Variants in CDCA5 observed in about 807,000 individuals in gnomAD.
CDCA5 encodes cell division cycle associated 5.
Under a neutral mutation model 25.7 loss-of-function variants are expected in CDCA5, and 14 were observed. The observed-to-expected ratio is 0.54, with a 90% confidence interval of 0.36 to 0.85. The LOEUF (loss-of-function observed/expected upper bound fraction) is 0.85. CDCA5 is among the 40% of genes least tolerant of loss of function. CDCA5 has a pLI of 0.01. For missense variants in CDCA5, 307 were observed against 324.5 expected (o/e 0.95, Z 0.41); for synonymous variants, 127 against 128.7 (o/e 0.99, Z 0.09).
At chr11:65,068,353 G>T in intron 2 of CDCA5, 1 of 504,816 alleles carries the variant, frequency 2.0e-6, no homozygotes, top group Non-Finnish European at 3.3e-6. Flanking sequence ...CAGGAGCTGG[G>T]CCTGGACGCC....
downstream of CDCA5, among the ~76,000 whole-genome samples, chr11:65,061,855 C>T: frequency 6.6e-6 from 1 of 151,090 alleles, no homozygotes; most frequent in Non-Finnish European, 1.5e-5. Flanking sequence ...GACCAGAAAC[C>T]CGCAAGTATA....
Position 65,067,831 on chromosome 11 carries a change from C to T in CDCA5, c.270-78G>A, listed in dbSNP as rs935507829. The T allele has an allele frequency of 2.3e-5, 22 of 977,420 alleles. No individual in the cohort carries two copies. In the Admixed American group the frequency reaches 5.0e-4, roughly 22 times the overall value. 60.5% of individuals were successfully genotyped at this position (977,420 alleles called of 1,614,324 possible). A position where few individuals can be genotyped will look rare whatever the true frequency, so the allele number is the denominator to read the frequency against. On this transcript the variant is annotated intron_variant, in intron 3 of 6. Coordinates refer to the CDCA5 transcript ENST00000525464. ...AGTGGGTGGGTGGTGTGGGGGTGCC[C>T]AGCCAAAGGCCCCGGCTTCAGCAGG...
chr11:65,075,876 A>G (rs1252248861), downstream of CDCA5, among the ~76,000 whole-genome samples: 1 of 152,190 alleles, frequency 6.6e-6, no homozygotes, highest in Non-Finnish European at 1.5e-5. Flanking sequence ...CCTGGTATCC[A>G]GACATTTCAG....
chr11:65,062,351 G>A (rs567551672), downstream of CDCA5, among the ~76,000 whole-genome samples: 1 of 152,210 alleles, frequency 6.6e-6, no homozygotes, highest in African/African-American at 2.4e-5. Context: ...AGCCCTCCAA[G>A]TCTCCCTTTA....
chr11:65,070,777 C>G (rs1947324434), intron 1 of CDCA5, among the ~76,000 whole-genome samples: 1 of 152,132 alleles, frequency 6.6e-6, no homozygotes, highest in African/African-American at 2.4e-5. Flanking sequence ...AGCCACTGAA[C>G]CCAGGCAGGT....
In CDCA5 at chr11:65,079,116, C is replaced by T. The variant is rs753110952; in HGVS notation, c.750G>A (p.Leu250=). The T allele has an allele frequency of 5.9e-6, 9 of 1,518,148 alleles. No individual in the cohort carries two copies. The East Asian group carries it at 1.6e-4, about 27-fold the overall frequency. The allele number at this position is 1,518,148 out of a possible 1,614,324, so 94.0% of individuals were successfully genotyped here. A position where few individuals can be genotyped will look rare whatever the true frequency, so the allele number is the denominator to read the frequency against. The change falls in exon 6 of 6, where the codon CTG becomes CTA. Residue 250 remains leucine (L), a synonymous_variant. Coordinates refer to ENST00000275517, the MANE Select transcript of CDCA5 (RefSeq NM_080668.4). ...CACCCCCCACTGCATCTCATTCAAC[C>T]AGGAGATCAAACTGCTCAGCAGCTT... ...EFEAAEQFDL[L]VE
chr11:65,070,039 G>A (rs1947311652), intron 1 of CDCA5, among the ~76,000 whole-genome samples: 1 of 152,244 alleles, frequency 6.6e-6, no homozygotes, highest in South Asian at 2.1e-4. Context: ...CTGCACACAG[G>A]ATGTGCCGCC....
In CDCA5 at chr11:65,078,595, T is replaced by C; in HGVS notation, c.*512A>G. On this transcript the variant is annotated 3_prime_UTR_variant, in exon 6 of 6. Transcript: ENST00000275517. Reference sequence around the variant, plus strand: ...CCCACGAATTCTCTCTGGGACTATTTACAGAATCAAAGGGGAAACCCACGG... The same window carrying C: ...CCCACGAATTCTCTCTGGGACTATTCACAGAATCAAAGGGGAAACCCACGG... 4 of 986,246 alleles carry C rather than the reference T, an allele frequency of 4.1e-6. No individual in the cohort carries two copies. Among genetic ancestry groups the C allele is most frequent in the Non-Finnish European group, 4.8e-6 (4 of 830,558 alleles). 61.1% of individuals were successfully genotyped at this position (986,246 alleles called of 1,614,324 possible).
rs372502994 is a variant in CDCA5 at position 65,083,559 on chromosome 11, G to C, written c.142-9C>G. On this transcript the variant is annotated splice_polypyrimidine_tract_variant and intron_variant, in intron 2 of 5. Transcript: ENST00000275517. ...GCAGCCGCACTGGGTGTCTGGAGAA[G>C]AGGGATGAACGTGAGCTCAACATTA... 2 of 1,614,178 alleles carry C rather than the reference G, an allele frequency of 1.2e-6. No individual in the cohort carries two copies. The highest frequency in any genetic ancestry group is 1.7e-5 in the Admixed American group (1 of 60,022).
In CDCA5 at chr11:65,079,397, G is replaced by A; in HGVS notation, c.634C>T (p.Pro212Ser). 2 of 1,614,092 alleles carry A rather than the reference G, an allele frequency of 1.2e-6. No homozygotes were observed. The highest frequency in any genetic ancestry group is 1.3e-5 in the African/African-American group (1 of 75,016). ...DMTLPGISPP[P>S]EKQKRKKKKM... ...TTCTTCTTACGTTTCTGTTTCTCGGGTGGTGGGGAGATTCCAGGGAGAGTC... is the reference window on the plus strand; with the variant it reads ...TTCTTCTTACGTTTCTGTTTCTCGGATGGTGGGGAGATTCCAGGGAGAGTC... The change falls in exon 5 of 6, where the codon CCC (proline) becomes TCC (serine). Residue 212 changes from proline (P) to serine (S), a missense_variant. Physicochemically the swap from Pro to Ser is moderately conservative, Grantham distance 74 (BLOSUM62 -1). Transcript: ENST00000275517.
At chr11:65,077,436 A>T, downstream of CDCA5, 1 of 985,140 alleles carries the variant, frequency 1.0e-6, no homozygotes, top group Non-Finnish European at 1.2e-6. Flanking sequence ...TTGACTCAAT[A>T]AAAGAAACAC....
At chr11:65,064,796 G>A (rs1947217554), downstream of CDCA5, among the ~76,000 whole-genome samples, 1 of 152,112 alleles carries the variant, frequency 6.6e-6, no homozygotes, top group Non-Finnish European at 1.5e-5. Context: ...TGAGGCGGGA[G>A]GATTCTTTGA....
downstream of CDCA5, among the ~76,000 whole-genome samples, chr11:65,061,374 A>G (rs1397581215): frequency 1.3e-5 from 2 of 152,204 alleles, no homozygotes; most frequent in African/African-American, 4.8e-5. Flanking sequence ...AGAGTCCCTC[A>G]GCCAGTACCA....
chr11:65,083,677 C>T lies in CDCA5; in HGVS notation c.93G>A (p.Arg31=), dbSNP rs1454820831. Residue 31 remains arginine (R), a synonymous_variant, in exon 2 of 6, where the codon CGG becomes CGA. Transcript: ENST00000275517. ...SPTKPLRRSQ[R]KSGSELPSIL... is the part of the protein sequence containing the mutation. ...TGCTCGGGAGTTCAGAGCCTGATTT[C>T]CGCTGGGACCTCCGCAGAGGCTTAG... is the stretch of plus-strand genomic sequence containing the variant. 2 of 1,614,216 alleles carry T rather than the reference C, an allele frequency of 1.2e-6. No individual in the cohort carries two copies. Among genetic ancestry groups the T allele is most frequent in the East Asian group, 2.2e-5 (1 of 44,884 alleles).
chr11:65,066,192 T>TG, downstream of CDCA5: 1 of 292,856 alleles, frequency 3.4e-6, no homozygotes, highest in Non-Finnish European at 5.8e-6. Flanking sequence ...GCTGAGGGAG[T>TG]GGGGGTGATG....
At chr11:65,075,356 C>T (rs1458187911), downstream of CDCA5, among the ~76,000 whole-genome samples, 1 of 152,114 alleles carries the variant, frequency 6.6e-6, no homozygotes, top group Non-Finnish European at 1.5e-5. Flanking sequence ...GAGATTGCAC[C>T]ACTGCACTCT....
intron 1 of CDCA5, among the ~76,000 whole-genome samples, chr11:65,071,163 C>T (rs1192858848): frequency 7.9e-5 from 12 of 151,740 alleles, no homozygotes; most frequent in Middle Eastern, 3.4e-3. Context: ...AGGATGGTCT[C>T]GATCTCCTGA....
intron 1 of CDCA5, 90 bp downstream of exon 1, chr11:65,083,843 C>A: frequency 6.3e-7 from 1 of 1,591,930 alleles, no homozygotes. Flanking sequence ...CCTCCTCCGG[C>A]GGCGGCAGCG....
chr11:65,075,430 A>G (rs893981279), downstream of CDCA5, among the ~76,000 whole-genome samples: 1 of 152,118 alleles, frequency 6.6e-6, no homozygotes, highest in African/African-American at 2.4e-5. Flanking sequence ...GGAGGGGAGA[A>G]ACAGGATCAT....
Sources: gnomAD v4.1 joint callset for allele counts (sites outside exome capture counted in the v4.1 genomes callset) on GRCh38, gnomAD v4.1.1 for gene constraint, MANE v1.5 for transcripts, NCBI Gene and HGNC (gene_info 2026-07-23, HGNC 2026-07-21) for gene names.